Variants in GALNTL6 observed in about 807,000 individuals in gnomAD.
The protein encoded by GALNTL6 is polypeptide N-acetylgalactosaminyltransferase-like 6.
GALNTL6 carries 46 observed loss-of-function variants against 73.7 expected under a neutral mutation model. The observed-to-expected ratio is 0.62, with a 90% CI of 0.49 to 0.80. The LOEUF (loss-of-function observed/expected upper bound fraction) is 0.80, where lower values mean the gene tolerates loss of function less well. Ranked by LOEUF, GALNTL6 falls within the 30% of genes least tolerant of loss-of-function variation. GALNTL6 has a pLI of 0.00. For synonymous variants in GALNTL6, 259 were observed against 263.7 expected (o/e 0.98, Z 0.17); for missense variants, 604 against 755.0 (o/e 0.80, Z 2.34).
chr4:172,648,265 T>C (rs575859684), intron 5 of GALNTL6, among the ~76,000 whole-genome samples: 1 of 152,156 alleles, frequency 6.6e-6, no homozygotes, highest in Non-Finnish European at 1.5e-5. Flanking sequence ...TGGCCAGGCT[T>C]CAGAAATACA....
rs139028391 is a variant in GALNTL6 at position 172,876,085 on chromosome 4, A to G, written c.924-6705A>G. The stretch of plus-strand genomic sequence containing the variant: ...GCTATAGTTTGGTTTAATGCCTTAT[A>G]TAATTGGTACTGACATACACAAGAT... On this transcript the variant is annotated intron_variant, in intron 7 of 12. Transcript: ENST00000506823. Among the ~76,000 whole-genome samples, 85 of 152,354 alleles carry G rather than the reference A, an allele frequency of 5.6e-4. No individual in the cohort carries two copies. The East Asian group carries it at 0.013, about 23-fold the overall frequency.
intron 2 of GALNTL6, among the ~76,000 whole-genome samples, chr4:172,081,445 C>T (rs571246053): frequency 6.6e-6 from 1 of 152,326 alleles, no homozygotes; most frequent in African/African-American, 2.4e-5. Flanking sequence ...CGAGATCATC[C>T]TGGCCAACAT....
At chr4:172,047,232 G>C (rs1269952449) in intron 2 of GALNTL6, among the ~76,000 whole-genome samples, 1 of 152,106 alleles carries the variant, frequency 6.6e-6, no homozygotes, top group Non-Finnish European at 1.5e-5. Flanking sequence ...TGAGGCAGCG[G>C]CTCTCAAACC....
chr4:172,776,705 G>A (rs75075987), intron 5 of GALNTL6, among the ~76,000 whole-genome samples: 21,789 of 152,112 alleles, frequency 0.14, 1,801 homozygotes, highest in Admixed American at 0.24. Context: ...AATTTTATAG[G>A]TTGCTTATCG....
chr4:172,019,083 C>T (rs926158517), intron 2 of GALNTL6, among the ~76,000 whole-genome samples: 14 of 152,148 alleles, frequency 9.2e-5, no homozygotes, highest in Non-Finnish European at 1.8e-4. Context: ...CACAGTTTTT[C>T]GCCTGTCTCA....
chr4:172,564,520 A>G (rs1159470591), intron 5 of GALNTL6, among the ~76,000 whole-genome samples: 1 of 152,256 alleles, frequency 6.6e-6, no homozygotes, highest in Non-Finnish European at 1.5e-5. Flanking sequence ...GCATAAGTTT[A>G]TAAATTAAAA....
intron 2 of GALNTL6, among the ~76,000 whole-genome samples, chr4:171,920,896 A>G (rs1326630137): frequency 5.3e-5 from 8 of 152,146 alleles, no homozygotes; most frequent in Non-Finnish European, 1.0e-4. Flanking sequence ...ATGAATTCCA[A>G]AATAAAAATC....
chr4:172,446,863 A>G (rs1286071865), intron 5 of GALNTL6, among the ~76,000 whole-genome samples: 2 of 152,146 alleles, frequency 1.3e-5, no homozygotes, highest in African/African-American at 4.8e-5. Flanking sequence ...ACTGTGGATG[A>G]TATACTCTGT....
intron 5 of GALNTL6, among the ~76,000 whole-genome samples, chr4:172,797,024 A>T (rs961002733): frequency 6.6e-6 from 1 of 152,170 alleles, no homozygotes; most frequent in African/African-American, 2.4e-5. Flanking sequence ...TTATTTTGAG[A>T]TTGGGGACCC....
intron 5 of GALNTL6, among the ~76,000 whole-genome samples, chr4:172,417,914 G>C (rs887776347): frequency 6.6e-6 from 1 of 152,176 alleles, no homozygotes; most frequent in Non-Finnish European, 1.5e-5. Flanking sequence ...ATGAGGTTTA[G>C]AGGGTGAAAA....
chr4:172,813,262 CA>C (rs1560969896), intron 6 of GALNTL6, among the ~76,000 whole-genome samples: 1 of 152,078 alleles, frequency 6.6e-6, no homozygotes, highest in East Asian at 1.9e-4. Flanking sequence ...CAGGTCAGGG[CA>C]AAAATGTGAC....
At chr4:172,320,978 C>G (rs945620087) in intron 4 of GALNTL6, among the ~76,000 whole-genome samples, 1 of 152,088 alleles carries the variant, frequency 6.6e-6, no homozygotes, top group Non-Finnish European at 1.5e-5. Context: ...TGTGGTCAAT[C>G]ATAGTCAAAA....
chr4:172,137,319 A>G (rs1351612163), intron 2 of GALNTL6, among the ~76,000 whole-genome samples: 1 of 152,216 alleles, frequency 6.6e-6, no homozygotes, highest in Non-Finnish European at 1.5e-5. Flanking sequence ...TTTTGAAGCT[A>G]TATATACACT....
chr4:172,632,794 C>A (rs2111099903), intron 5 of GALNTL6, among the ~76,000 whole-genome samples: 1 of 152,306 alleles, frequency 6.6e-6, no homozygotes, highest in East Asian at 1.9e-4. Context: ...AAAATGGCTC[C>A]ATGGGCTGAG....
At chr4:171,881,138 G>A (rs946548465) in intron 2 of GALNTL6, among the ~76,000 whole-genome samples, 5 of 152,092 alleles carry the variant, frequency 3.3e-5, no homozygotes, top group African/African-American at 9.7e-5. Flanking sequence ...AAGCCAAAGA[G>A]CCTGTAGAGA....
intron 4 of GALNTL6, among the ~76,000 whole-genome samples, chr4:172,346,988 C>CTTTTTTTTTTTTTTTTTTTTTTTT (rs34332250): frequency 8.7e-6 from 1 of 114,410 alleles, no homozygotes; most frequent in Non-Finnish European, 1.7e-5. Context: ...TGTTTTCTTT[C>CTTTTTTTTTTTTTTTTTTTTTTTT]TTTTTTTTTT....
At chr4:172,092,530 G>A (rs76883624) in intron 2 of GALNTL6, among the ~76,000 whole-genome samples, 2,130 of 151,960 alleles carry the variant, frequency 0.014, 22 homozygotes, top group Middle Eastern at 0.024. Context: ...TATGATTTTG[G>A]GAAGACTCTC....
intron 2 of GALNTL6, among the ~76,000 whole-genome samples, chr4:171,824,300 A>G (rs1215994103): frequency 6.6e-6 from 1 of 151,858 alleles, no homozygotes; most frequent in Admixed American, 6.6e-5. Flanking sequence ...GTGAAAGTCA[A>G]TATGCACAGT....
rs1186766378 is a variant in GALNTL6 at position 171,892,814 on chromosome 4, G to A, written c.138+78096G>A. Among the ~76,000 whole-genome samples the A allele has an allele frequency of 3.9e-5, 6 of 152,142 alleles. No homozygotes were observed. In the South Asian group the frequency reaches 6.2e-4, roughly 16 times the overall value. ...TGGTCTTAAGTGATGCTACAACCTC[G>A]GCCTCTCAAAGTGCTGAGATTTCAG... On this transcript the variant is annotated intron_variant, in intron 2 of 12. Transcript: ENST00000506823.
Sources: allele counts gnomAD v4.1 joint callset (sites outside exome capture counted in the v4.1 genomes callset), GRCh38; gene constraint gnomAD v4.1.1; transcripts MANE v1.5; gene names NCBI Gene and HGNC (gene_info 2026-07-23, HGNC 2026-07-21).